Variants in MVK observed in about 807,000 individuals in gnomAD.
MVK encodes LH receptor mRNA-binding protein.
In MVK, 34 loss-of-function variants were observed where a neutral mutation model predicts 43.2. That is an observed-to-expected ratio of 0.79 (90% CI 0.60 to 1.05). The LOEUF is 1.05. MVK is among the 50% of genes least tolerant of loss of function. The pLI, the probability that MVK is intolerant of heterozygous loss-of-function variation, is 0.00. For missense variants in MVK, 395 were observed against 504.0 expected, an observed-to-expected ratio of 0.78 and a Z score of 2.07; for synonymous variants, 190 against 219.8, an observed-to-expected ratio of 0.86 and a Z score of 1.20.
intron 7 of MVK, among the ~76,000 whole-genome samples, chr12:109,587,383 G>A (rs1328734520): frequency 6.6e-6 from 1 of 152,202 alleles, no homozygotes; most frequent in Non-Finnish European, 1.5e-5. Context: ...GGAATCATTG[G>A]AATCACAAAC....
rs7296044 is a variant in MVK, at chr12:109,579,142, T to A, written c.227-660T>A. The A allele has an allele frequency of 0.49, 177,881 of 361,232 alleles. 40,715 individuals carry two copies. Among genetic ancestry groups the A allele is most frequent in the African/African-American group, 0.72 (32,861 of 45,640 alleles). The allele number at this position is 361,232 out of a possible 1,614,324, so 22.4% of individuals were successfully genotyped here. A position where few individuals can be genotyped will look rare whatever the true frequency, so the allele number is the denominator to read the frequency against. On this transcript the variant is annotated intron_variant, in intron 3 of 10. Transcript: ENST00000228510. ...GTGTTTGTTTTAAGACTACAATTTT[T>A]TTTTTTTTTTTTTTTGAGACAGGGT...
chr12:109,585,614 C>G (rs1166873609), intron 5 of MVK, among the ~76,000 whole-genome samples: 1 of 152,092 alleles, frequency 6.6e-6, no homozygotes, highest in African/African-American at 2.4e-5. Context: ...CTAAAAAATA[C>G]AAAAATTAGC....
At chr12:109,578,855 G>C (rs1010754601) in intron 3 of MVK, among the ~76,000 whole-genome samples, 3 of 152,174 alleles carry the variant, frequency 2.0e-5, no homozygotes, top group African/African-American at 7.2e-5. Flanking sequence ...GGCCAGAAAG[G>C]CTCTGCCTTC....
intron 9 of MVK, among the ~76,000 whole-genome samples, chr12:109,593,332 C>T (rs912645337): frequency 6.6e-6 from 1 of 152,260 alleles, no homozygotes; most frequent in Non-Finnish European, 1.5e-5. Context: ...GGGAGGGCCA[C>T]TCCAACCCTG....
chr12:109,576,343 G>C (rs767239123), intron 3 of MVK, among the ~76,000 whole-genome samples, 198 bp downstream of exon 3: 4 of 151,814 alleles, frequency 2.6e-5, no homozygotes, highest in Non-Finnish European at 5.9e-5. Flanking sequence ...GATCTCTGTG[G>C]GCTGTTGTGG....
chr12:109,590,298 C>T (rs1391713249), intron 7 of MVK: 3 of 302,908 alleles, frequency 9.9e-6, no homozygotes, highest in Admixed American at 4.4e-5. Flanking sequence ...GCTATAGCCA[C>T]TTTGAATTTC....
upstream of MVK, chr12:109,573,500 G>T: frequency 1.3e-6 from 2 of 1,590,304 alleles, no homozygotes; most frequent in Non-Finnish European, 1.7e-6. Context: ...TGCTTGACGG[G>T]ACCTGACCCC....
chr12:109,595,784 CTCCT>C lies in MVK; in HGVS notation c.1039+614_1039+617del, dbSNP rs1044190792. On this transcript the variant is annotated intron_variant, in intron 10 of 10. Transcript: ENST00000228510. This position sits in a 1 kb window ranked among gnomAD's most constrained non-coding sequence, Gnocchi z 5.9. ...CATTTCCCTCTGTGCTCCTTGTCCC[CTCCT>C]TCCTTCCTTCTTTCTCTTTCTGTCT... Among the ~76,000 whole-genome samples, 2 of 151,930 alleles carry C rather than the reference CTCCT, an allele frequency of 1.3e-5. No homozygotes were observed. The highest frequency in any genetic ancestry group is 1.9e-4 in the East Asian group (1 of 5,178).
At chr12:109,573,275 G>T, upstream of MVK, 5 of 1,597,176 alleles carry the variant, frequency 3.1e-6, no homozygotes, top group Non-Finnish European at 4.3e-6. Flanking sequence ...TCACGGCGGT[G>T]TGACGTACCC....
rs1885466141 is a variant in MVK, at chr12:109,587,054, C to T, written c.677+255C>T. ...TCATGCATGGCTGTGCCCGTAGACT[C>T]TCAGCTGCTCATTCATTCATTCCTG... On this transcript the variant is annotated intron_variant, in intron 7 of 10. Coordinates refer to ENST00000228510, the MANE Select transcript of MVK (RefSeq NM_000431.4). 7.7e-6 allele frequency: 4 copies of T among 518,110 alleles called. No homozygotes were observed. The Admixed American group carries it at 1.3e-4, about 16-fold the overall frequency. The allele number at this position is 518,110 out of a possible 1,614,324, so 32.1% of individuals were successfully genotyped here. A position where few individuals can be genotyped will look rare whatever the true frequency, so the allele number is the denominator to read the frequency against.
At chr12:109,593,060 G>T (rs1885751261) in intron 9 of MVK, among the ~76,000 whole-genome samples, 1 of 152,252 alleles carries the variant, frequency 6.6e-6, no homozygotes, top group Non-Finnish European at 1.5e-5. Context: ...ACTCAAACCA[G>T]CGAACTGTTC....
In MVK at chr12:109,595,051, C is replaced by G. The variant is rs1885855680; in HGVS notation, c.909C>G (p.His303Gln). ...VLEELIDMNQ[H>Q]HLNALGVGHA... Reference sequence around the variant, plus strand: ...AGGAGCTCATTGACATGAACCAGCACCATCTGAATGCCCTCGGCGTGGGCC... The same window carrying G: ...AGGAGCTCATTGACATGAACCAGCAGCATCTGAATGCCCTCGGCGTGGGCC... The change falls in exon 10 of 11, where the codon CAC becomes CAG. Residue 303 changes from histidine (H) to glutamine (Q), a missense_variant. Transcript: ENST00000228510. This position sits in a 1 kb window ranked among gnomAD's most constrained non-coding sequence, Gnocchi z 5.9. The G allele has an allele frequency of 1.9e-6, 3 of 1,614,116 alleles. No homozygotes were observed. Among genetic ancestry groups the G allele is most frequent in the Non-Finnish European group, 2.5e-6 (3 of 1,180,044 alleles).
intron 9 of MVK, among the ~76,000 whole-genome samples, chr12:109,594,098 A>G (rs1885808217): frequency 6.7e-6 from 1 of 148,888 alleles, no homozygotes; most frequent in South Asian, 2.1e-4. Context: ...ACACACGACC[A>G]AAAAGGGGCA....
intron 4 of MVK, 63 bp from the exon 5 acceptor site, chr12:109,581,332 G>A: frequency 6.2e-7 from 1 of 1,607,936 alleles, no homozygotes; most frequent in Non-Finnish European, 8.5e-7. Context: ...CTGGCCCCTG[G>A]TTCAGTGCTG....
At chr12:109,581,971 C>T (rs942484096) in intron 5 of MVK, among the ~76,000 whole-genome samples, 11 of 152,186 alleles carry the variant, frequency 7.2e-5, no homozygotes, top group Admixed American at 5.2e-4. Context: ...TCCAGTTTTA[C>T]CACATGGTTA....
chr12:109,576,830 C>T (rs993733653), intron 3 of MVK, among the ~76,000 whole-genome samples: 86 of 148,052 alleles, frequency 5.8e-4, no homozygotes, highest in Middle Eastern at 7.0e-3. Flanking sequence ...AAGATTGCGC[C>T]ATTGCACTCC....
rs1005894981 is a variant in MVK, at chr12:109,596,292, T to G, written c.1040-134T>G. On this transcript the variant is annotated intron_variant, in intron 10 of 10. Transcript: ENST00000228510. ...GAGGGGCTGCAGGTAACCTTGGGCTTTATGGCCTGTTGGCTCAGGTGGGTC... is the reference window on the plus strand; with the variant it reads ...GAGGGGCTGCAGGTAACCTTGGGCTGTATGGCCTGTTGGCTCAGGTGGGTC... 6.9e-6 allele frequency: 9 copies of G among 1,313,514 alleles called. No homozygotes were observed. The African/African-American group carries it at 1.2e-4, about 17-fold the overall frequency. 81.4% of individuals were successfully genotyped at this position (1,313,514 alleles called of 1,614,324 possible).
chr12:109,574,918 C>T lies in MVK; in HGVS notation c.78+18C>T, dbSNP rs1884866488. ...ATGGCAAGGTACAAAGCCGTTAGAG[C>T]CTTTAAGGATTGGGTACCCCTTCTC... On this transcript the variant is annotated intron_variant, in intron 2 of 10. Transcript: ENST00000228510. The T allele has an allele frequency of 1.3e-6, 2 of 1,598,392 alleles. No homozygotes were observed. The highest frequency in any genetic ancestry group is 1.7e-5 in the Admixed American group (1 of 57,888).
intron 5 of MVK, among the ~76,000 whole-genome samples, chr12:109,585,802 T>C (rs1381110287): frequency 6.7e-6 from 1 of 149,330 alleles, no homozygotes; most frequent in African/African-American, 2.5e-5. Context: ...ACCACGGGAG[T>C]CCAAAGCCCA....
Sources: gnomAD v4.1 joint callset for allele counts (sites outside exome capture counted in the v4.1 genomes callset) on GRCh38, gnomAD v4.1.1 for gene constraint, Gnocchi (gnomAD v3.1) non-coding constraint, MANE v1.5 for transcripts, NCBI Gene and HGNC (gene_info 2026-07-23, HGNC 2026-07-21) for gene names.